Variants in VAV3 observed in about 807,000 individuals in gnomAD.
The protein encoded by VAV3 is vav guanine nucleotide exchange factor 3.
A neutral mutation model predicts 131.2 loss-of-function variants in VAV3; 94 were observed. The ratio of observed to expected loss-of-function variants is 0.72; its 90% CI spans 0.61 to 0.85. The LOEUF is 0.85. VAV3 is among the 40% of genes least tolerant of loss of function. VAV3 has a pLI of 0.00. For synonymous variants in VAV3, 349 were observed against 342.0 expected, an observed-to-expected ratio of 1.02 and a Z score of -0.22; for missense variants, 939 against 1,002.7, an observed-to-expected ratio of 0.94 and a Z score of 0.86.
At chr1:107,872,671 C>A (rs1670306521) in intron 2 of VAV3, among the ~76,000 whole-genome samples, 1 of 152,118 alleles carries the variant, frequency 6.6e-6, no homozygotes, top group Non-Finnish European at 1.5e-5. Flanking sequence ...CGCTGATTCC[C>A]TCAATATATG....
At chr1:107,903,060 T>A (rs1339734168) in intron 1 of VAV3, among the ~76,000 whole-genome samples, 1 of 152,052 alleles carries the variant, frequency 6.6e-6, no homozygotes, top group Non-Finnish European at 1.5e-5. Flanking sequence ...GAAATGTATC[T>A]CCAGCCTTCT....
At chr1:107,834,517 A>G (rs1668387244) in intron 2 of VAV3, among the ~76,000 whole-genome samples, 1 of 152,084 alleles carries the variant, frequency 6.6e-6, no homozygotes, top group South Asian at 2.1e-4. Context: ...ACTCTACACA[A>G]TAGCAGAATA....
chr1:107,687,170 A>T (rs1370207225), intron 18 of VAV3, among the ~76,000 whole-genome samples: 1 of 151,988 alleles, frequency 6.6e-6, no homozygotes, highest in African/African-American at 2.4e-5. Context: ...ATGGCCTATT[A>T]AAAAAATCAC....
chr1:107,920,251 C>T (rs556899701), intron 1 of VAV3, among the ~76,000 whole-genome samples: 1 of 152,310 alleles, frequency 6.6e-6, no homozygotes, highest in East Asian at 1.9e-4. Context: ...ATGCTACCAT[C>T]TAAAGATTTG....
intron 2 of VAV3, among the ~76,000 whole-genome samples, chr1:107,835,591 C>G (rs1195079607): frequency 6.6e-6 from 1 of 152,120 alleles, no homozygotes; most frequent in Non-Finnish European, 1.5e-5. Context: ...CACTTAACAG[C>G]CCAATGATCT....
At chr1:107,635,470 T>TGGGGTGG (rs1442501405) in intron 20 of VAV3, among the ~76,000 whole-genome samples, 1 of 72,188 alleles carries the variant, frequency 1.4e-5, no homozygotes, top group Non-Finnish European at 2.5e-5. Flanking sequence ...GGGCCTGTTG[T>TGGGGTGG]GGGGTGGGGG....
chr1:107,733,329 TCTC>T (rs1326635804), intron 15 of VAV3, among the ~76,000 whole-genome samples: 1 of 152,074 alleles, frequency 6.6e-6, no homozygotes, highest in Non-Finnish European at 1.5e-5. Flanking sequence ...GAGGGCCTCT[TCTC>T]CTCCAAAGGA....
chr1:107,851,171 C>CAAAAAAAAAAAAAAAA (rs35609784), intron 2 of VAV3, among the ~76,000 whole-genome samples: 1 of 68,496 alleles, frequency 1.5e-5, no homozygotes, highest in Non-Finnish European at 3.1e-5. Context: ...GACTCCGTCT[C>CAAAAAAAAAAAAAAAA]AAAAAAAAAA....
intron 2 of VAV3, among the ~76,000 whole-genome samples, chr1:107,789,208 G>A (rs146124588): frequency 1.8e-3 from 271 of 152,270 alleles, no homozygotes; most frequent in African/African-American, 6.3e-3. Flanking sequence ...ACACAGCTGG[G>A]ACAAAGTCAA....
chr1:107,955,786 G>A (rs1298924783), intron 1 of VAV3, among the ~76,000 whole-genome samples: 1 of 152,166 alleles, frequency 6.6e-6, no homozygotes, highest in Non-Finnish European at 1.5e-5. Flanking sequence ...AGATGAAGCA[G>A]CACAAGACCA....
chr1:107,811,608 A>G (rs1038270930), intron 2 of VAV3, among the ~76,000 whole-genome samples: 5 of 152,212 alleles, frequency 3.3e-5, no homozygotes, highest in Non-Finnish European at 7.4e-5. Context: ...GATTTAAAAT[A>G]TGGGAAGAAA....
At chr1:107,956,453 TA>T (rs1674818980) in intron 1 of VAV3, among the ~76,000 whole-genome samples, 1 of 152,166 alleles carries the variant, frequency 6.6e-6, no homozygotes, top group South Asian at 2.1e-4. Flanking sequence ...ACTAGAATTC[TA>T]AACTGATAAG....
At chr1:107,841,714 T>A (rs1668717094) in intron 2 of VAV3, among the ~76,000 whole-genome samples, 2 of 152,306 alleles carry the variant, frequency 1.3e-5, no homozygotes, top group South Asian at 2.1e-4. Flanking sequence ...AAATGACTGT[T>A]CCTCTCTCTA....
At chr1:107,700,848 T>C (rs997384859) in intron 17 of VAV3, among the ~76,000 whole-genome samples, 1 of 152,234 alleles carries the variant, frequency 6.6e-6, no homozygotes, top group Non-Finnish European at 1.5e-5. Context: ...TTGGTATTTC[T>C]GGTTCTAGGT....
At chr1:107,769,352 A>C (rs758037717) in intron 6 of VAV3, among the ~76,000 whole-genome samples, 2 of 152,316 alleles carry the variant, frequency 1.3e-5, no homozygotes, top group Middle Eastern at 3.4e-3. Context: ...CCGATCGTCT[A>C]ATTTTCAATA....
At chr1:107,637,001 C>T (rs1170602457) in intron 20 of VAV3, among the ~76,000 whole-genome samples, 1 of 151,778 alleles carries the variant, frequency 6.6e-6, no homozygotes, top group Non-Finnish European at 1.5e-5. Flanking sequence ...GAGCAGAAAT[C>T]GATGATAGGG....
At chr1:107,661,580 T>C (rs1332215426) in intron 19 of VAV3, among the ~76,000 whole-genome samples, 4 of 152,220 alleles carry the variant, frequency 2.6e-5, no homozygotes, top group African/African-American at 7.2e-5. Flanking sequence ...AATTGTTCAA[T>C]TGTTTATCCA....
intron 15 of VAV3, among the ~76,000 whole-genome samples, chr1:107,713,719 T>C (rs1049552407): frequency 6.6e-6 from 1 of 152,090 alleles, no homozygotes; most frequent in East Asian, 1.9e-4. Context: ...TTCAACGACA[T>C]CCTTATAAAT....
intron 1 of VAV3, among the ~76,000 whole-genome samples, chr1:107,926,076 T>A (rs1299885217): frequency 1.3e-5 from 2 of 151,660 alleles, no homozygotes. Flanking sequence ...GGTCAGGAGT[T>A]TAAGACCAGC....
Sources: gnomAD v4.1 joint callset for allele counts (sites outside exome capture counted in the v4.1 genomes callset) on GRCh38, gnomAD v4.1.1 for gene constraint, MANE v1.5 for transcripts, NCBI Gene and HGNC (gene_info 2026-07-23, HGNC 2026-07-21) for gene names.